ZNF713: variants seen among roughly 807,000 people sequenced by gnomAD.
ZNF713 encodes zinc finger protein 713.
ZNF713 carries 21 observed loss-of-function variants against 28.7 expected under a neutral mutation model. That is an observed-to-expected ratio of 0.73 (90% confidence interval 0.52 to 1.05). ZNF713 has a LOEUF of 1.05. Ranked by LOEUF, ZNF713 falls within the 50% of genes least tolerant of loss-of-function variation. The pLI, the probability that ZNF713 is intolerant of heterozygous loss-of-function variation, is 0.00. For synonymous variants in ZNF713, 167 were observed against 178.0 expected (o/e 0.94, Z 0.49); for missense variants, 458 against 532.4 (o/e 0.86, Z 1.37).
At chr7:55,924,256 A>AT (rs1269177742) in intron 6 of ZNF713, 1 of 152,060 alleles carries the variant, frequency 6.6e-6, no homozygotes, top group African/African-American at 2.4e-5. Flanking sequence ...TACTACTAAC[A>AT]TTGTTTTCTT....
intron 4 of ZNF713, among the ~76,000 whole-genome samples, chr7:55,919,506 T>TTTGTTTTTTTTTTTTG (rs1562743561): frequency 1.6e-5 from 1 of 63,106 alleles, no homozygotes; most frequent in Non-Finnish European, 2.8e-5. Flanking sequence ...TTTTTTTTTT[T>TTTGTTTTTTTTTTTTG]TTTTTTTTTT....
At chr7:55,888,201 T>C (rs1320381475) in intron 1 of ZNF713, among the ~76,000 whole-genome samples, 2 of 152,132 alleles carry the variant, frequency 1.3e-5, no homozygotes, top group African/African-American at 4.8e-5. Flanking sequence ...TTTTAAAATA[T>C]TTTCTTTTTC....
chr7:55,921,223 T>G (rs1785985107), intron 4 of ZNF713, among the ~76,000 whole-genome samples: 1 of 152,112 alleles, frequency 6.6e-6, no homozygotes, highest in African/African-American at 2.4e-5. Flanking sequence ...TACTGCTCAT[T>G]GACAATGCAC....
chr7:55,909,912 T>C (rs953548204), intron 2 of ZNF713, among the ~76,000 whole-genome samples: 2 of 149,114 alleles, frequency 1.3e-5, no homozygotes, highest in African/African-American at 5.0e-5. Flanking sequence ...CTTTTACTTT[T>C]TTTCTTATTT....
At chr7:55,936,556 T>G (rs969391591) in intron 6 of ZNF713, among the ~76,000 whole-genome samples, 2 of 152,140 alleles carry the variant, frequency 1.3e-5, no homozygotes, top group Non-Finnish European at 2.9e-5. Context: ...ATCTGTTCCC[T>G]GTGGTTGGAA....
rs981655020 is a variant in ZNF713, at chr7:55,892,583, G to C, written c.-583+4903G>C. On this transcript the variant is annotated intron_variant, in intron 1 of 6. Coordinates refer to ENST00000429591, the MANE Select transcript of ZNF713 (RefSeq NM_182633.3). ...AAAAAAAAAAAAAAAAAAAAACAAA[G>C]CAGAATAGGCTGGGCGCGGTGGCTC... is the stretch of plus-strand genomic sequence containing the variant. 7.0e-4 allele frequency among the ~76,000 whole-genome samples: 51 copies of C among 72,612 alleles called. No homozygotes were observed. In the South Asian group the frequency reaches 0.016, roughly 23 times the overall value. 47.6% of individuals were successfully genotyped at this position (72,612 alleles called of 152,430 possible).
In ZNF713 at chr7:55,936,803, T is replaced by G. The variant is rs73360341; in HGVS notation, c.308-2179T>G. ...GTAGGATGCGTGCCCAAAGTAGAGATATATCTATCTAGATTATGGAAATGA... is the reference window on the plus strand; with the variant it reads ...GTAGGATGCGTGCCCAAAGTAGAGAGATATCTATCTAGATTATGGAAATGA... On this transcript the variant is annotated intron_variant, in intron 6 of 6. Coordinates refer to ENST00000429591, the MANE Select transcript of ZNF713 (RefSeq NM_182633.3). Among the ~76,000 whole-genome samples the G allele has an allele frequency of 1.9e-3, 287 of 152,226 alleles. 1 individual carries two copies. The highest frequency in any genetic ancestry group is 6.3e-3 in the African/African-American group (263 of 41,546).
rs1331979441 is a variant in ZNF713 at position 55,887,498 on chromosome 7, G to A, written c.-765G>A. On this transcript the variant is annotated 5_prime_UTR_variant, in exon 1 of 7. Coordinates refer to ENST00000429591, the MANE Select transcript of ZNF713 (RefSeq NM_182633.3). ...TTGCGGGGAGGCTGTCCTCAGAGCA[G>A]GTCTGGCGCGCCGGTGGCTGGACCG... 6.3e-6 allele frequency: 1 copy of A among 159,998 alleles called. No individual in the cohort carries two copies. The highest frequency in any genetic ancestry group is 2.4e-5 in the African/African-American group (1 of 41,502). 9.9% of individuals were successfully genotyped at this position (159,998 alleles called of 1,614,324 possible). A position where few individuals can be genotyped will look rare whatever the true frequency, so the allele number is the denominator to read the frequency against.
chr7:55,896,178 T>A (rs1206607735), intron 1 of ZNF713, among the ~76,000 whole-genome samples: 3 of 151,754 alleles, frequency 2.0e-5, no homozygotes, highest in Non-Finnish European at 4.4e-5. Flanking sequence ...ATAAATACAA[T>A]AAAAAATAGA....
chr7:55,926,463 G>A (rs931609043), intron 6 of ZNF713, among the ~76,000 whole-genome samples: 8 of 152,226 alleles, frequency 5.3e-5, no homozygotes, highest in Admixed American at 4.6e-4. Flanking sequence ...GTGACTGTTT[G>A]CATTTCTTCA....
At chr7:55,921,507 T>C (rs1380407247) in intron 4 of ZNF713, among the ~76,000 whole-genome samples, 1 of 152,128 alleles carries the variant, frequency 6.6e-6, no homozygotes, top group Admixed American at 6.6e-5. Context: ...AGGTCAAATA[T>C]CAACATTAAC....
At chr7:55,895,266 C>T (rs1024380074) in intron 1 of ZNF713, among the ~76,000 whole-genome samples, 1 of 151,984 alleles carries the variant, frequency 6.6e-6, no homozygotes, top group Non-Finnish European at 1.5e-5. Context: ...GAAGGGAATA[C>T]GTATACCAGA....
intron 1 of ZNF713, among the ~76,000 whole-genome samples, chr7:55,894,268 G>T (rs80339914): frequency 0.026 from 4,028 of 152,260 alleles, 179 homozygotes; most frequent in African/African-American, 0.092. Flanking sequence ...GCAGGCCAGG[G>T]TACCTTTCCT....
intron 1 of ZNF713, among the ~76,000 whole-genome samples, chr7:55,887,982 A>T (rs2116147089): frequency 6.6e-6 from 1 of 150,972 alleles, no homozygotes; most frequent in African/African-American, 2.4e-5. Flanking sequence ...TCCCTTTCAG[A>T]TTTTTGGTCT....
chr7:55,910,713 C>A (rs1385749739), intron 2 of ZNF713, among the ~76,000 whole-genome samples: 2 of 152,156 alleles, frequency 1.3e-5, no homozygotes, highest in East Asian at 3.9e-4. Flanking sequence ...CCTAGCTGGT[C>A]TCAAACTCCT....
At chr7:55,917,180 C>T (rs1785896687) in intron 4 of ZNF713, among the ~76,000 whole-genome samples, 1 of 151,566 alleles carries the variant, frequency 6.6e-6, no homozygotes, top group South Asian at 2.1e-4. Flanking sequence ...CGCCACTGCA[C>T]TCCAGCCTGG....
At chr7:55,933,453 G>A (rs955673364) in intron 6 of ZNF713, among the ~76,000 whole-genome samples, 24 of 151,198 alleles carry the variant, frequency 1.6e-4, no homozygotes, top group South Asian at 8.4e-4. Context: ...GTGCCACCAC[G>A]CCTGGCTAAT....
chr7:55,896,216 T>C (rs945838785), intron 1 of ZNF713, among the ~76,000 whole-genome samples: 19 of 152,052 alleles, frequency 1.2e-4, no homozygotes, highest in Non-Finnish European at 2.6e-4. Context: ...ACTAATAAAT[T>C]GGACCTAACT....
intron 4 of ZNF713, among the ~76,000 whole-genome samples, chr7:55,917,089 C>T (rs1473622281): frequency 6.6e-6 from 1 of 152,002 alleles, no homozygotes; most frequent in African/African-American, 2.4e-5. Flanking sequence ...TGGTGGGCGC[C>T]TGTAGTCCCA....
Sources: allele counts gnomAD v4.1 joint callset (sites outside exome capture counted in the v4.1 genomes callset), GRCh38; gene constraint gnomAD v4.1.1; transcripts MANE v1.5; gene names NCBI Gene and HGNC (gene_info 2026-07-23, HGNC 2026-07-21).